The following DOCK1 variants were observed in gnomAD, a reference collection of about 807,000 sequenced individuals.
DOCK1 encodes dedicator of cytokinesis protein 1.
Under a neutral mutation model 262.7 loss-of-function variants are expected in DOCK1, and 138 were observed. The ratio of observed to expected loss-of-function variants is 0.53; its 90% confidence interval spans 0.46 to 0.61. The LOEUF (loss-of-function observed/expected upper bound fraction) is 0.61. DOCK1 is among the 20% of genes least tolerant of loss of function. The pLI, the probability that DOCK1 is intolerant of heterozygous loss-of-function variation, is 0.00. For synonymous variants in DOCK1, 866 were observed against 867.4 expected, an observed-to-expected ratio of 1.00 and a Z score of 0.03; for missense variants, 1,908 against 2,370.7, an observed-to-expected ratio of 0.80 and a Z score of 4.05.
intron 1 of DOCK1, among the ~76,000 whole-genome samples, chr10:126,959,331 A>G (rs1238991138): frequency 6.6e-6 from 1 of 152,224 alleles, no homozygotes; most frequent in East Asian, 1.9e-4. Context: ...GGGCCATTTT[A>G]AAATATGGCA....
At chr10:127,286,488 G>C (rs865813857) in intron 29 of DOCK1, among the ~76,000 whole-genome samples, 7 of 152,046 alleles carry the variant, frequency 4.6e-5, no homozygotes, top group South Asian at 2.1e-4. Flanking sequence ...AAGTAGAATA[G>C]TAGTTATACT....
chr10:126,952,870 ATTG>A (rs1365758614), intron 1 of DOCK1, among the ~76,000 whole-genome samples: 1 of 130,840 alleles, frequency 7.6e-6, no homozygotes, highest in Non-Finnish European at 1.7e-5. Context: ...ATGTGGTAGT[ATTG>A]TTATTGTTGG....
intron 28 of DOCK1, among the ~76,000 whole-genome samples, chr10:127,250,828 T>A: frequency 6.8e-6 from 1 of 147,654 alleles, no homozygotes. Context: ...AAAAATGACG[T>A]TTGTGGTTTT....
At chr10:126,984,997 T>C (rs1360799888) in intron 4 of DOCK1, among the ~76,000 whole-genome samples, 3 of 117,416 alleles carry the variant, frequency 2.6e-5, no homozygotes, top group Non-Finnish European at 5.5e-5. Context: ...TTTTTTTTTT[T>C]TGAGACGAAG....
chr10:127,423,298 CAG>C (rs2068617897), intron 46 of DOCK1, among the ~76,000 whole-genome samples: 1 of 152,124 alleles, frequency 6.6e-6, no homozygotes, highest in East Asian at 1.9e-4. Flanking sequence ...GACTCATGTG[CAG>C]AGTTTTCATC....
At chr10:127,003,550 G>T (rs1000956082) in intron 10 of DOCK1, among the ~76,000 whole-genome samples, 5 of 152,202 alleles carry the variant, frequency 3.3e-5, no homozygotes, top group Admixed American at 1.3e-4. Context: ...CCTGGGTGGG[G>T]ATGTCCTGTT....
At chr10:127,347,136 G>A (rs2063668481) in intron 31 of DOCK1, among the ~76,000 whole-genome samples, 1 of 152,232 alleles carries the variant, frequency 6.6e-6, no homozygotes, top group South Asian at 2.1e-4. Context: ...AGAAATACAT[G>A]ACGATGTCCT....
rs749438796 is a variant in DOCK1, at chr10:127,447,453, C to T, written c.5473C>T (p.Leu1825Phe). Residue 1825 changes from leucine (L) to phenylalanine (F), a missense_variant, in exon 51 of 52, where the codon CTC becomes TTC. Transcript: ENST00000623213. ...DVADVPPPLP[L>F]KGSVADYGNL... ...GGCCGATGTCCCACCCCCTCTGCCT[C>T]TCAAAGGCAGCGTGGCAGATTACGG... 1 of 1,613,628 alleles carries T rather than the reference C, an allele frequency of 6.2e-7. No individual in the cohort carries two copies. Among genetic ancestry groups the T allele is most frequent in the Admixed American group, 1.7e-5 (1 of 59,992 alleles).
At chr10:127,049,118 A>T (rs2135707704) in intron 21 of DOCK1, among the ~76,000 whole-genome samples, 1 of 152,360 alleles carries the variant, frequency 6.6e-6, no homozygotes, top group African/African-American at 2.4e-5. Context: ...TTTTAAAACA[A>T]ACATAAAAGG....
chr10:127,309,058 G>A (rs534764369), intron 29 of DOCK1, among the ~76,000 whole-genome samples: 1 of 152,306 alleles, frequency 6.6e-6, no homozygotes, highest in East Asian at 1.9e-4. Flanking sequence ...CACCAACAGT[G>A]TAAAAGTCTT....
intron 27 of DOCK1, among the ~76,000 whole-genome samples, chr10:127,149,797 T>G (rs1028729650): frequency 3.3e-5 from 5 of 152,154 alleles, no homozygotes; most frequent in Non-Finnish European, 5.9e-5. Flanking sequence ...ATTTTAAGAT[T>G]TATTTTGAAA....
chr10:126,936,291 C>G (rs1328374158), intron 1 of DOCK1, among the ~76,000 whole-genome samples: 1 of 152,184 alleles, frequency 6.6e-6, no homozygotes, highest in Admixed American at 6.5e-5. Flanking sequence ...TGGCTGTAGA[C>G]TTTTTGTGTT....
intron 29 of DOCK1, among the ~76,000 whole-genome samples, chr10:127,307,659 C>T (rs2061924634): frequency 6.6e-6 from 1 of 152,200 alleles, no homozygotes; most frequent in Non-Finnish European, 1.5e-5. Flanking sequence ...GGCTTCGCCT[C>T]ATGAAACCCC....
chr10:127,046,166 G>C (rs949618615), intron 21 of DOCK1, among the ~76,000 whole-genome samples: 1 of 152,080 alleles, frequency 6.6e-6, no homozygotes, highest in African/African-American at 2.4e-5. Flanking sequence ...ATTAATATAT[G>C]TAATAAGAGG....
At chr10:126,908,698 C>T (rs756681739) in intron 1 of DOCK1, among the ~76,000 whole-genome samples, 1 of 152,152 alleles carries the variant, frequency 6.6e-6, no homozygotes. Context: ...TTTACCAGCC[C>T]GCGTTTCCCC....
At chr10:127,023,414 G>T in intron 14 of DOCK1, 90 bp downstream of exon 14, 1 of 1,525,918 alleles carries the variant, frequency 6.6e-7, no homozygotes, top group South Asian at 1.3e-5. Context: ...GATGTCGTCA[G>T]GGTGGGGCTT....
chr10:126,971,129 C>A (rs1359320816), intron 2 of DOCK1, among the ~76,000 whole-genome samples: 1 of 151,682 alleles, frequency 6.6e-6, no homozygotes, highest in Non-Finnish European at 1.5e-5. Flanking sequence ...CAGCTCACTG[C>A]AACCTCTGCC....
chr10:127,422,834 T>C (rs1420316390), intron 46 of DOCK1, among the ~76,000 whole-genome samples: 1 of 152,210 alleles, frequency 6.6e-6, no homozygotes, highest in East Asian at 1.9e-4. Context: ...CAAAAACTAG[T>C]TTGGTCTGCA....
At chr10:126,958,565 T>C (rs2036936145) in intron 1 of DOCK1, among the ~76,000 whole-genome samples, 1 of 152,180 alleles carries the variant, frequency 6.6e-6, no homozygotes, top group African/African-American at 2.4e-5. Context: ...CTGGGTATTC[T>C]GGAGCCGTTG....
Sources: gnomAD v4.1 joint callset for allele counts (sites outside exome capture counted in the v4.1 genomes callset) on GRCh38, gnomAD v4.1.1 for gene constraint, MANE v1.5 for transcripts, NCBI Gene and HGNC (gene_info 2026-07-23, HGNC 2026-07-21) for gene names.